ITPR2: variants seen among roughly 807,000 people sequenced by gnomAD.
ITPR2 encodes inositol 1,4,5-trisphosphate receptor type 2, also known as inositol 1,4,5-trisphosphate-gated calcium channel ITPR2.
A neutral mutation model predicts 317.1 loss-of-function variants in ITPR2; 207 were observed. That is an observed-to-expected ratio of 0.65 (90% CI 0.58 to 0.73). ITPR2 has a LOEUF of 0.73. Among genes scored for constraint, ITPR2 ranks in the 30% least tolerant of loss-of-function variants. ITPR2 has a pLI of 0.00. For synonymous variants in ITPR2, 1,156 were observed against 1,149.1 expected, an observed-to-expected ratio of 1.01 and a Z score of -0.12; for missense variants, 2,613 against 3,284.0, an observed-to-expected ratio of 0.80 and a Z score of 4.99.
At chr12:26,446,024 G>C (rs1941603210) in intron 45 of ITPR2, among the ~76,000 whole-genome samples, 2 of 152,056 alleles carry the variant, frequency 1.3e-5, no homozygotes, top group Non-Finnish European at 2.9e-5. Flanking sequence ...AGGGAATATG[G>C]GCACAGATTC....
chr12:26,693,032 G>T (rs10842776), intron 10 of ITPR2, among the ~76,000 whole-genome samples: 28,390 of 152,116 alleles, frequency 0.19, 3,568 homozygotes, highest in East Asian at 0.55. Flanking sequence ...TATAAAATAG[G>T]AAGCCATATT....
In ITPR2 at chr12:26,439,438, C is replaced by G. The variant is rs1941435160; in HGVS notation, c.6451-119G>C. ...ATGAATTCAGTTGTGAAAAAATGTGCCAACTTGAAGTATCTGAAAGAACCC... is the reference window on the plus strand; with the variant it reads ...ATGAATTCAGTTGTGAAAAAATGTGGCAACTTGAAGTATCTGAAAGAACCC... On this transcript the variant is annotated intron_variant, in intron 46 of 56. Transcript: ENST00000381340. 13 of 688,850 alleles carry G rather than the reference C, an allele frequency of 1.9e-5. No homozygotes were observed. The East Asian group carries it at 3.8e-4, about 20-fold the overall frequency. 42.7% of individuals were successfully genotyped at this position (688,850 alleles called of 1,614,324 possible). A position where few individuals can be genotyped will look rare whatever the true frequency, so the allele number is the denominator to read the frequency against.
intron 21 of ITPR2, among the ~76,000 whole-genome samples, chr12:26,648,314 G>C (rs181437197): frequency 6.6e-6 from 1 of 152,116 alleles, no homozygotes; most frequent in African/African-American, 2.4e-5. Context: ...GCTCTCCTGC[G>C]TCTGACCTGC....
chr12:26,353,771 TA>T (rs1938549531), intron 55 of ITPR2, among the ~76,000 whole-genome samples: 1 of 152,180 alleles, frequency 6.6e-6, no homozygotes, highest in Non-Finnish European at 1.5e-5. Flanking sequence ...TCATTATATT[TA>T]TTTTCACTGT....
At chr12:26,586,423 G>A (rs770399800) in intron 32 of ITPR2, among the ~76,000 whole-genome samples, 7 of 152,088 alleles carry the variant, frequency 4.6e-5, no homozygotes, top group Non-Finnish European at 7.4e-5. Flanking sequence ...CAAGTGTGAG[G>A]ATATTTTTCA....
chr12:26,597,213 G>A (rs1945869416), intron 30 of ITPR2, 79 bp from the exon 31 acceptor site: 2 of 1,433,606 alleles, frequency 1.4e-6, no homozygotes, highest in Non-Finnish European at 1.9e-6. Flanking sequence ...TGATATATCT[G>A]GAAACACGTA....
At chr12:26,658,252 C>T (rs1947418966) in intron 16 of ITPR2, 122 bp from the exon 17 acceptor site, 3 of 594,338 alleles carry the variant, frequency 5.0e-6, no homozygotes, top group Non-Finnish European at 7.6e-6. Flanking sequence ...ATTATTTCCA[C>T]ACAACATTTG....
intron 32 of ITPR2, among the ~76,000 whole-genome samples, chr12:26,592,184 T>A (rs994694059): frequency 6.6e-6 from 1 of 152,156 alleles, no homozygotes; most frequent in Admixed American, 6.5e-5. Context: ...CACTTATTTG[T>A]GGGCACTAAA....
chr12:26,663,763 T>C lies in ITPR2; in HGVS notation c.1635A>G (p.Arg545=). Residue 545 remains arginine (R), a synonymous_variant, in exon 15 of 57, where the codon AGA becomes AGG. Coordinates refer to ENST00000381340, the MANE Select transcript of ITPR2 (RefSeq NM_002223.4). ...GCAGCATGTACTTGTAGGGTGCATA[T>C]CTTTGATCCCCCAGATCTTCAAGTC... ...MLRLEDLGDQ[R]YAPYKYMLRL... The C allele has an allele frequency of 1.2e-6, 2 of 1,614,150 alleles. No homozygotes were observed. The highest frequency in any genetic ancestry group is 1.7e-6 in the Non-Finnish European group (2 of 1,180,002).
rs1414050491 is a variant in ITPR2, at chr12:26,391,555, CCTTTTTTTTTT to C, written c.7697-3972_7697-3962del. ...AGCTTCTTCTTCTTCTTCTTCTTTT[CCTTTTTTTTTT>C]TTTTTTTTTTTTTTTTTTGACAGAG... is the stretch of plus-strand genomic sequence containing the variant. On this transcript the variant is annotated intron_variant, in intron 54 of 56. Coordinates refer to ENST00000381340, the MANE Select transcript of ITPR2 (RefSeq NM_002223.4). Among the ~76,000 whole-genome samples the C allele has an allele frequency of 4.4e-3, 314 of 70,858 alleles. 12 individuals are homozygous for C. Among genetic ancestry groups the C allele is most frequent in the African/African-American group, 0.016 (298 of 18,638 alleles). 46.5% of individuals were successfully genotyped at this position (70,858 alleles called of 152,430 possible).
intron 8 of ITPR2, among the ~76,000 whole-genome samples, 186 bp from the exon 9 acceptor site, chr12:26,711,454 A>G (rs2137022961): frequency 6.6e-6 from 1 of 152,366 alleles, no homozygotes; most frequent in Non-Finnish European, 1.5e-5. Context: ...ATGTTATAAC[A>G]GTTGTTAACT....
Position 26,578,774 on chromosome 12 carries a change from G to A in ITPR2, c.4569C>T (p.Thr1523=). 6.2e-7 allele frequency: 1 copy of A among 1,611,448 alleles called. No individual in the cohort carries two copies. ...AGGCTTTCTGCGCTGGGTTTGGCCA[G>A]GTGCAATTGTAAATTCTGAAGGCAG... is the stretch of plus-strand genomic sequence containing the variant. The part of the protein sequence containing the change: ...LQSAFRIYNC[T]WPNPAQKASV... The change falls in exon 34 of 57, where the codon ACC becomes ACT. Residue 1523 remains threonine, a synonymous_variant. Coordinates refer to ENST00000381340, the MANE Select transcript of ITPR2 (RefSeq NM_002223.4).
At chr12:26,697,898 C>T (rs1948380601) in intron 9 of ITPR2, among the ~76,000 whole-genome samples, 1 of 151,804 alleles carries the variant, frequency 6.6e-6, no homozygotes, top group Admixed American at 6.6e-5. Flanking sequence ...TACATGAAAA[C>T]ATAAATACAA....
chr12:26,556,789 A>AG (rs1944675920), intron 35 of ITPR2, among the ~76,000 whole-genome samples: 1 of 118,150 alleles, frequency 8.5e-6, no homozygotes, highest in Non-Finnish European at 2.1e-5. Context: ...AAAAAAAAAA[A>AG]AAATTCCAGC....
intron 2 of ITPR2, among the ~76,000 whole-genome samples, chr12:26,777,888 C>T (rs373111259): frequency 2.0e-5 from 3 of 152,156 alleles, no homozygotes; most frequent in Non-Finnish European, 4.4e-5. Context: ...TAACTGTGCA[C>T]TGGAGAAAGG....
intron 34 of ITPR2, among the ~76,000 whole-genome samples, chr12:26,573,857 G>C (rs1945217649): frequency 1.3e-5 from 2 of 152,294 alleles, no homozygotes; most frequent in South Asian, 4.1e-4. Flanking sequence ...AAGTGCAGTG[G>C]GGAGTTGTCA....
chr12:26,340,781 C>T (rs1249583776), intron 55 of ITPR2, among the ~76,000 whole-genome samples: 2 of 152,190 alleles, frequency 1.3e-5, no homozygotes, highest in Non-Finnish European at 2.9e-5. Flanking sequence ...ACTACTTTAC[C>T]TCCCACTTCC....
At chr12:26,722,119 C>A (rs117112400) in intron 5 of ITPR2, among the ~76,000 whole-genome samples, 1 of 152,282 alleles carries the variant, frequency 6.6e-6, no homozygotes, top group Non-Finnish European at 1.5e-5. Context: ...AGTAAATTCT[C>A]CTTCTCTTTT....
At chr12:26,799,461 T>C (rs752858939) in intron 1 of ITPR2, among the ~76,000 whole-genome samples, 6 of 152,240 alleles carry the variant, frequency 3.9e-5, no homozygotes, top group Non-Finnish European at 7.3e-5. Flanking sequence ...AGCCATCATC[T>C]TGTGAAGCGA....
Sources: allele counts gnomAD v4.1 joint callset (sites outside exome capture counted in the v4.1 genomes callset), GRCh38; gene constraint gnomAD v4.1.1; transcripts MANE v1.5; gene names NCBI Gene and HGNC (gene_info 2026-07-23, HGNC 2026-07-21).